DLG2: variants seen among roughly 807,000 people sequenced by gnomAD.
DLG2 encodes disks large homolog 2.
A neutral mutation model predicts 132.5 loss-of-function variants in DLG2; 45 were observed. That is an observed-to-expected ratio of 0.34 (90% CI 0.27 to 0.44). DLG2 has a LOEUF of 0.44. Ranked by LOEUF, DLG2 falls within the 20% of genes least tolerant of loss-of-function variation. The pLI, the probability that DLG2 is intolerant of heterozygous loss-of-function variation, is 1.00. For synonymous variants in DLG2, 424 were observed against 419.6 expected (o/e 1.01, Z -0.13); for missense variants, 1,045 against 1,196.9 (o/e 0.87, Z 1.87).
chr11:84,041,064 T>C (rs1292372896), intron 11 of DLG2, among the ~76,000 whole-genome samples: 2 of 151,832 alleles, frequency 1.3e-5, no homozygotes, highest in African/African-American at 4.8e-5. Context: ...TTTTTGTACA[T>C]TGATTTTGTA....
At chr11:84,391,506 C>T (rs1332248972) in intron 7 of DLG2, among the ~76,000 whole-genome samples, 2 of 152,114 alleles carry the variant, frequency 1.3e-5, no homozygotes, top group Non-Finnish European at 2.9e-5. Context: ...CTTTATATTA[C>T]ATTTCAATAT....
At chr11:84,163,427 T>C (rs764693755) in intron 9 of DLG2, 34 bp downstream of exon 9, 3 of 1,558,664 alleles carry the variant, frequency 1.9e-6, no homozygotes, top group African/African-American at 1.4e-5. Flanking sequence ...AAATGCAAGA[T>C]TGGGGCTTTG....
At position 83,579,601 on chromosome 11, in the gene DLG2, GA is replaced by G. The variant is rs563287251; in HGVS notation, c.1941-37744del. Among the ~76,000 whole-genome samples the G allele has an allele frequency of 1.3e-4, 19 of 151,608 alleles. No homozygotes were observed. In the South Asian group the frequency reaches 3.7e-3, roughly 30 times the overall value. On this transcript the variant is annotated intron_variant, in intron 19 of 27. Transcript: ENST00000376104. The stretch of plus-strand genomic sequence containing the variant: ...AAGTGAAAGTAGACATTTTAAGATT[GA>G]AAAAAACTGGCCATTTTACAAGAAA...
intron 3 of DLG2, among the ~76,000 whole-genome samples, chr11:85,496,387 T>A (rs2093668580): frequency 1.3e-5 from 2 of 152,168 alleles, no homozygotes; most frequent in Admixed American, 1.3e-4. Flanking sequence ...TAGGCAGTTT[T>A]ATGCTCACAA....
chr11:84,204,258 G>A (rs555297704), intron 8 of DLG2, among the ~76,000 whole-genome samples: 1 of 152,260 alleles, frequency 6.6e-6, no homozygotes, highest in Non-Finnish European at 1.5e-5. Context: ...TGCCTGCCAA[G>A]ATATTTGATT....
At chr11:83,769,180 T>TA (rs1331311431) in intron 18 of DLG2, among the ~76,000 whole-genome samples, 2 of 152,226 alleles carry the variant, frequency 1.3e-5, no homozygotes, top group African/African-American at 2.4e-5. Context: ...CATGATGGTG[T>TA]AGAGCAAAAC....
intron 3 of DLG2, among the ~76,000 whole-genome samples, chr11:85,488,118 CA>C (rs1430882492): frequency 6.6e-6 from 1 of 152,182 alleles, no homozygotes; most frequent in Non-Finnish European, 1.5e-5. Flanking sequence ...TGGCTGGGTG[CA>C]GTGGCTCACG....
rs1174894107 is a variant in DLG2 at position 83,592,628 on chromosome 11, A to C, written c.1940+40583T>G. 1.9e-4 allele frequency among the ~76,000 whole-genome samples: 29 copies of C among 151,164 alleles called. No individual in the cohort carries two copies. The South Asian group carries it at 3.2e-3, about 16-fold the overall frequency. Reference sequence around the variant, plus strand: ...ACACCAAAAGCAATGGCAACAAAAGACAAAATTGACAAATGGGATCTAATT... The same window carrying C: ...ACACCAAAAGCAATGGCAACAAAAGCCAAAATTGACAAATGGGATCTAATT... On this transcript the variant is annotated intron_variant, in intron 19 of 27. Coordinates refer to ENST00000376104, the MANE Select transcript of DLG2 (RefSeq NM_001142699.3).
chr11:85,576,509 T>C (rs1003868029), intron 3 of DLG2, among the ~76,000 whole-genome samples: 1 of 152,178 alleles, frequency 6.6e-6, no homozygotes, highest in Non-Finnish European at 1.5e-5. Flanking sequence ...TTTTTGAACA[T>C]AGTACTTTTC....
chr11:84,574,973 C>T (rs1940072), intron 6 of DLG2, among the ~76,000 whole-genome samples: 47,686 of 151,934 alleles, frequency 0.31, 7,930 homozygotes, highest in African/African-American at 0.4. Context: ...GAGATCATCC[C>T]TCCTCACAAT....
chr11:84,641,545 G>T (rs1272876359), intron 6 of DLG2, among the ~76,000 whole-genome samples: 3 of 152,026 alleles, frequency 2.0e-5, no homozygotes, highest in Non-Finnish European at 4.4e-5. Context: ...AGCAACTCTG[G>T]GGTGCTCCAA....
intron 6 of DLG2, among the ~76,000 whole-genome samples, chr11:84,671,610 T>C (rs59377265): frequency 0.017 from 2,561 of 152,274 alleles, 81 homozygotes; most frequent in African/African-American, 0.058. Context: ...CTATTGCCCA[T>C]GTGCATGTGC....
chr11:84,263,710 C>G (rs2097576135), intron 7 of DLG2, among the ~76,000 whole-genome samples: 1 of 152,074 alleles, frequency 6.6e-6, no homozygotes, highest in South Asian at 2.1e-4. Flanking sequence ...GACACTAGAT[C>G]ATACACTAAG....
intron 21 of DLG2, among the ~76,000 whole-genome samples, chr11:83,484,743 A>T (rs1382235303): frequency 1.4e-5 from 2 of 147,718 alleles, no homozygotes; most frequent in Non-Finnish European, 3.0e-5. Flanking sequence ...TAGTGTCTTG[A>T]TGTCTTTTAA....
Position 84,373,265 on chromosome 11 carries a change from C to CAAACAAACAAAAAA in DLG2, c.520-121975_520-121974insTTTTTTGTTTGTTT, listed in dbSNP as rs762481478. 2.0e-5 allele frequency among the ~76,000 whole-genome samples: 2 copies of CAAACAAACAAAAAA among 98,090 alleles called. 1 individual carries two copies. The highest frequency in any genetic ancestry group is 9.1e-5 in the African/African-American group (2 of 21,940). The allele number at this position is 98,090 out of a possible 152,430, so 64.4% of individuals were successfully genotyped here. A position where few individuals can be genotyped will look rare whatever the true frequency, so the allele number is the denominator to read the frequency against. On this transcript the variant is annotated intron_variant, in intron 7 of 27. Coordinates refer to ENST00000376104, the MANE Select transcript of DLG2 (RefSeq NM_001142699.3). ...AGAAACAGTCAAAAAAAAAAAAAAA[C>CAAACAAACAAAAAA]AAAACAAAAAAAAAACCCACCAGGC...
At chr11:84,499,046 A>C (rs2099194255) in intron 7 of DLG2, among the ~76,000 whole-genome samples, 2 of 152,188 alleles carry the variant, frequency 1.3e-5, no homozygotes, top group African/African-American at 4.8e-5. Flanking sequence ...CTATTGTTTA[A>C]TTCTTAGTAA....
At position 84,922,938 on chromosome 11, in the gene DLG2, C is replaced by T. The variant is rs2092826498; in HGVS notation, c.357+188723G>A. 7.6e-6 allele frequency: 8 copies of T among 1,051,268 alleles called. No homozygotes were observed. The East Asian group carries it at 2.0e-4, about 27-fold the overall frequency. The allele number at this position is 1,051,268 out of a possible 1,614,324, so 65.1% of individuals were successfully genotyped here. The stretch of plus-strand genomic sequence containing the variant: ...GCGAGGCTGCACGGCAACAATAAAA[C>T]AAAGCCTTTGCAACCACCTGTAATA... On this transcript the variant is annotated intron_variant, in intron 6 of 27. Coordinates refer to ENST00000376104, the MANE Select transcript of DLG2 (RefSeq NM_001142699.3).
At chr11:84,991,818 AT>A (rs1180785451) in intron 6 of DLG2, among the ~76,000 whole-genome samples, 1 of 152,156 alleles carries the variant, frequency 6.6e-6, no homozygotes, top group Non-Finnish European at 1.5e-5. Context: ...TTTCAAAATA[AT>A]TTTTAATTAA....
At chr11:84,512,787 C>T (rs75207524) in intron 7 of DLG2, among the ~76,000 whole-genome samples, 3 of 151,868 alleles carry the variant, frequency 2.0e-5, no homozygotes, top group Admixed American at 2.0e-4. Flanking sequence ...CACGTATACA[C>T]CATGGAATAC....
Sources: allele counts gnomAD v4.1 joint callset (sites outside exome capture counted in the v4.1 genomes callset), GRCh38; gene constraint gnomAD v4.1.1; transcripts MANE v1.5; gene names NCBI Gene and HGNC (gene_info 2026-07-23, HGNC 2026-07-21).